IQANK1: variants seen among roughly 807,000 people sequenced by gnomAD.
IQANK1 encodes the protein IQ motif and ankyrin repeat containing 1.
A neutral mutation model predicts 22.6 loss-of-function variants in IQANK1; 30 were observed. The ratio of observed to expected loss-of-function variants is 1.33; its 90% CI spans 0.99 to 1.80. The LOEUF (loss-of-function observed/expected upper bound fraction) is 1.80. Ranked by LOEUF, IQANK1 falls within the 40% of genes most tolerant of loss-of-function variation. The pLI is 0.00. For missense variants in IQANK1, 275 were observed against 235.2 expected, an observed-to-expected ratio of 1.17 and a Z score of -1.11; for synonymous variants, 122 against 99.6, an observed-to-expected ratio of 1.23 and a Z score of -1.34.
chr8:143,790,313 C>T, intron 13 of IQANK1, 37 bp from the exon 14 acceptor site: 1 of 1,230,564 alleles, frequency 8.1e-7, no homozygotes, highest in Non-Finnish European at 1.0e-6. Context: ...CCCCACCTCC[C>T]TAGCCCCACC....
At chr8:143,742,255 G>A (rs782353146) in intron 3 of IQANK1, 8 of 406,620 alleles carry the variant, frequency 2.0e-5, no homozygotes, top group East Asian at 7.2e-5. Flanking sequence ...GATACACAGC[G>A]CTCAAGTGAC....
At position 143,748,848 on chromosome 8, in the gene IQANK1, AAT is replaced by A. The variant is rs551168678; in HGVS notation, c.175+8909_175+8910del. Among the ~76,000 whole-genome samples the A allele has an allele frequency of 7.1e-3, 751 of 106,454 alleles. 14 individuals are homozygous for A. Among genetic ancestry groups the A allele is most frequent in the African/African-American group, 0.029 (705 of 24,542 alleles). 69.8% of individuals were successfully genotyped at this position (106,454 alleles called of 152,430 possible). A position where few individuals can be genotyped will look rare whatever the true frequency, so the allele number is the denominator to read the frequency against. On this transcript the variant is annotated intron_variant, in intron 3 of 13. Transcript: ENST00000527139. ...TATATATTTCATATATAAATATATA[AAT>A]ATATATATCATATATAAATATATAA...
intron 3 of IQANK1, chr8:143,743,192 C>T (rs1236399003): frequency 2.7e-6 from 1 of 369,414 alleles, no homozygotes; most frequent in African/African-American, 2.1e-5. Context: ...TTCTGCCTCC[C>T]TCTTCCACTG....
At chr8:143,786,762 G>A (rs998711231) in intron 7 of IQANK1, among the ~76,000 whole-genome samples, 6 of 152,176 alleles carry the variant, frequency 3.9e-5, no homozygotes, top group Non-Finnish European at 8.8e-5. Flanking sequence ...TGGCCAAGGT[G>A]GGGTTTGCTG....
At chr8:143,750,133 G>C (rs1819162249) in intron 3 of IQANK1, among the ~76,000 whole-genome samples, 1 of 151,740 alleles carries the variant, frequency 6.6e-6, no homozygotes, top group African/African-American at 2.4e-5. Flanking sequence ...CAAGTAGCTG[G>C]GATTACAGGC....
chr8:143,790,314 T>C (rs1820008984), intron 13 of IQANK1, 36 bp from the exon 14 acceptor site: 2 of 1,230,008 alleles, frequency 1.6e-6, no homozygotes, highest in Non-Finnish European at 1.0e-6. Context: ...CCCACCTCCC[T>C]AGCCCCACCC....
intron 11 of IQANK1, 23 bp downstream of exon 11, chr8:143,789,892 G>T: frequency 8.1e-7 from 1 of 1,231,904 alleles, no homozygotes; most frequent in Non-Finnish European, 1.0e-6. Flanking sequence ...TGGGGCGCCG[G>T]CTGGGGGCTG....
chr8:143,751,231 C>T (rs1426257172), intron 3 of IQANK1, among the ~76,000 whole-genome samples: 1 of 152,048 alleles, frequency 6.6e-6, no homozygotes, highest in Non-Finnish European at 1.5e-5. Context: ...TATAAATGCA[C>T]TGGTCTCTTA....
chr8:143,770,851 G>C (rs1819557720), intron 3 of IQANK1, among the ~76,000 whole-genome samples: 1 of 152,378 alleles, frequency 6.6e-6, no homozygotes, highest in South Asian at 2.1e-4. Flanking sequence ...CTCAGGCCGG[G>C]GAGGCTGAGT....
At position 143,735,042 on chromosome 8, in the gene IQANK1, C is replaced by T. The variant is rs949978079; in HGVS notation, c.-4-808C>T. Reference sequence around the variant, plus strand: ...ACCCTTTCTGATGGTCATCAGTCGCCTTTCTCTTTGTTCCTCTTGCCATGT... The same window carrying T: ...ACCCTTTCTGATGGTCATCAGTCGCTTTTCTCTTTGTTCCTCTTGCCATGT... On this transcript the variant is annotated intron_variant, in intron 1 of 13. Coordinates refer to ENST00000527139, the MANE Select transcript of IQANK1 (RefSeq NM_001381874.1). This position sits in a 1 kb window ranked among gnomAD's most constrained non-coding sequence, Gnocchi z 5.2. 6.6e-5 allele frequency among the ~76,000 whole-genome samples: 10 copies of T among 152,224 alleles called. No homozygotes were observed. Among genetic ancestry groups the T allele is most frequent in the Non-Finnish European group, 1.2e-4 (8 of 68,046 alleles).
rs530980864 is a variant in IQANK1 at position 143,776,057 on chromosome 8, C to T, written c.789+3575C>T. Among the ~76,000 whole-genome samples, 28 of 152,136 alleles carry T rather than the reference C, an allele frequency of 1.8e-4. 1 individual carries two copies. In the East Asian group the frequency reaches 5.2e-3, roughly 28 times the overall value. On this transcript the variant is annotated intron_variant, in intron 7 of 13. Coordinates refer to ENST00000527139, the MANE Select transcript of IQANK1 (RefSeq NM_001381874.1). ...ATCCCAGCGGCCGGGCGCGGCGGCTCACGCCTGTAATCCCAGCACTTTGGG... is the reference window on the plus strand; with the variant it reads ...ATCCCAGCGGCCGGGCGCGGCGGCTTACGCCTGTAATCCCAGCACTTTGGG...
At chr8:143,737,712 G>C (rs1374758922) in intron 2 of IQANK1, among the ~76,000 whole-genome samples, 2 of 152,188 alleles carry the variant, frequency 1.3e-5, no homozygotes, top group African/African-American at 4.8e-5. Context: ...ACGGCCAGCT[G>C]CAGCCCCTCC....
rs1554631880 is a variant in IQANK1 at position 143,789,441 on chromosome 8, A to G, written c.999A>G (p.Gln333=). 2.4e-6 allele frequency: 3 copies of G among 1,229,698 alleles called. No individual in the cohort carries two copies. Among genetic ancestry groups the G allele is most frequent in the Non-Finnish European group, 3.0e-6 (3 of 985,904 alleles). The allele number at this position is 1,229,698 out of a possible 1,614,324, so 76.2% of individuals were successfully genotyped here. Reference sequence around the variant, plus strand: ...CTGCCCGTACGCCCACCCAGCTGCAACAGGCCTACTGTGAGCTTAGCCGGA... The same window carrying G: ...CTGCCCGTACGCCCACCCAGCTGCAGCAGGCCTACTGTGAGCTTAGCCGGA... ...REQQQCHKEL[Q]QAYCELSRRI... is the part of the protein sequence containing the mutation. The change falls in exon 10 of 14, where the codon CAA becomes CAG. Residue 333 remains glutamine (Q), a synonymous_variant. Coordinates refer to ENST00000527139, the MANE Select transcript of IQANK1 (RefSeq NM_001381874.1).
chr8:143,788,391 T>A (rs1036020645), intron 7 of IQANK1, among the ~76,000 whole-genome samples: 27 of 152,198 alleles, frequency 1.8e-4, no homozygotes, highest in Non-Finnish European at 2.8e-4. Flanking sequence ...TGAGCCCGGC[T>A]CTCTGCACCC....
chr8:143,765,072 C>T lies in IQANK1; in HGVS notation c.176-6416C>T, dbSNP rs1014196796. ...AAATTTCAAGAATCATATATATAGC[C>T]GCGCCGGGTTTGTTGGCTCATGTCT... On this transcript the variant is annotated intron_variant, in intron 3 of 13. Transcript: ENST00000527139. 2.9e-4 allele frequency among the ~76,000 whole-genome samples: 44 copies of T among 152,022 alleles called. 1 individual carries two copies. Among genetic ancestry groups the T allele is most frequent in the African/African-American group, 8.5e-4 (35 of 41,378 alleles).
At chr8:143,753,929 GT>G (rs372997610) in intron 3 of IQANK1, among the ~76,000 whole-genome samples, 6 of 150,834 alleles carry the variant, frequency 4.0e-5, no homozygotes, top group South Asian at 2.1e-4. Context: ...GGTTTTGTTT[GT>G]TTTTTTTTCT....
At chr8:143,749,843 G>T (rs949097827) in intron 3 of IQANK1, among the ~76,000 whole-genome samples, 3 of 151,128 alleles carry the variant, frequency 2.0e-5, no homozygotes, top group South Asian at 4.2e-4. Context: ...GATTACAGAT[G>T]TAAGCTACCA....
chr8:143,742,242 A>C (rs974997670), intron 3 of IQANK1: 1 of 389,096 alleles, frequency 2.6e-6, no homozygotes, highest in Non-Finnish European at 5.2e-6. Context: ...GTCCGGAGTC[A>C]GTGATACACA....
At chr8:143,760,474 A>C (rs1165302394) in intron 3 of IQANK1, 1 of 151,542 alleles carries the variant, frequency 6.6e-6, no homozygotes, top group Non-Finnish European at 1.5e-5. Context: ...GCAGGAGTTC[A>C]AGACCAGCCT....
Sources: allele counts gnomAD v4.1 joint callset (sites outside exome capture counted in the v4.1 genomes callset), GRCh38; gene constraint gnomAD v4.1.1; non-coding constraint Gnocchi (gnomAD v3.1); transcripts MANE v1.5; gene names NCBI Gene and HGNC (gene_info 2026-07-23, HGNC 2026-07-21).